SMARCAD1: variants seen among roughly 807,000 people sequenced by gnomAD.
SMARCAD1 encodes SWI/SNF-related matrix-associated actin-dependent regulator of chromatin subfamily A containing DEAD/H box 1.
A neutral mutation model predicts 127.1 loss-of-function variants in SMARCAD1; 25 were observed. That is an observed-to-expected ratio of 0.20 (90% confidence interval 0.14 to 0.27). The LOEUF (loss-of-function observed/expected upper bound fraction) is 0.27. SMARCAD1 is among the 10% of genes least tolerant of loss of function. SMARCAD1 has a pLI of 1.00. For synonymous variants in SMARCAD1, 400 were observed against 396.9 expected (o/e 1.01, Z -0.09); for missense variants, 807 against 1,206.0 (o/e 0.67, Z 4.90).
At chr4:94,231,958 G>A (rs570016993) in intron 3 of SMARCAD1, among the ~76,000 whole-genome samples, 1 of 152,038 alleles carries the variant, frequency 6.6e-6, no homozygotes, top group East Asian at 1.9e-4. Flanking sequence ...GCTTCCTGGG[G>A]TCAGATGATT....
intron 6 of SMARCAD1, among the ~76,000 whole-genome samples, chr4:94,242,294 C>T (rs1197215007): frequency 6.6e-6 from 1 of 151,998 alleles, no homozygotes; most frequent in Non-Finnish European, 1.5e-5. Context: ...ATCCACCCAC[C>T]TCGGCTTCCC....
At chr4:94,274,094 G>A in intron 12 of SMARCAD1, among the ~76,000 whole-genome samples, 1 of 152,098 alleles carries the variant, frequency 6.6e-6, no homozygotes, top group African/African-American at 2.4e-5. Context: ...CAATTCGTTG[G>A]ATGTAGAAGT....
chr4:94,215,750 G>A (rs918236668), intron 2 of SMARCAD1, among the ~76,000 whole-genome samples: 9 of 152,066 alleles, frequency 5.9e-5, no homozygotes, highest in African/African-American at 2.2e-4. Context: ...TTTCATACCT[G>A]TCTAAAATAT....
In SMARCAD1 at chr4:94,249,766, G is replaced by C. The variant is rs551757236; in HGVS notation, c.807+11G>C. The C allele has an allele frequency of 6.8e-7, 1 of 1,466,926 alleles. No individual in the cohort carries two copies. Among genetic ancestry groups the C allele is most frequent in the Non-Finnish European group, 9.6e-7 (1 of 1,046,698 alleles). 90.9% of individuals were successfully genotyped at this position (1,466,926 alleles called of 1,614,324 possible). A position where few individuals can be genotyped will look rare whatever the true frequency, so the allele number is the denominator to read the frequency against. On this transcript the variant is annotated intron_variant, in intron 7 of 23. Coordinates refer to ENST00000354268, the MANE Select transcript of SMARCAD1 (RefSeq NM_020159.5). ...AATTTTGATAAACAGGTGAGTAGTC[G>C]TGTATGAAAATTTAATCAGTGTGTA...
intron 6 of SMARCAD1, among the ~76,000 whole-genome samples, chr4:94,242,049 T>G (rs1255147426): frequency 6.6e-6 from 1 of 152,010 alleles, no homozygotes; most frequent in East Asian, 1.9e-4. Flanking sequence ...TTTGTTTTGC[T>G]TTTTGAGACA....
In SMARCAD1 at chr4:94,273,653, G is replaced by A; in HGVS notation, c.1609G>A (p.Ala537Thr). 1 of 1,613,726 alleles carries A rather than the reference G, an allele frequency of 6.2e-7. No homozygotes were observed. The highest frequency in any genetic ancestry group is 8.5e-7 in the Non-Finnish European group (1 of 1,179,840). ...AACTATTCAAGCCATTGCATTTCTGGCATACCTCTATCAGGAGGGTAATAA... is the reference window on the plus strand; with the variant it reads ...AACTATTCAAGCCATTGCATTTCTGACATACCTCTATCAGGAGGGTAATAA... ...GKTIQAIAFL[A>T]YLYQEGNNGP... Residue 537 changes from alanine to threonine, a missense_variant, in exon 12 of 24, where the codon GCA becomes ACA. Coordinates refer to ENST00000354268, the MANE Select transcript of SMARCAD1 (RefSeq NM_020159.5).
intron 2 of SMARCAD1, among the ~76,000 whole-genome samples, chr4:94,220,260 T>G (rs282448): frequency 0.38 from 57,558 of 151,820 alleles, 11,869 homozygotes; most frequent in East Asian, 0.71. Context: ...TTATTATTAT[T>G]TTTTTGAGAT....
chr4:94,268,025 T>C (rs911132323), intron 10 of SMARCAD1, among the ~76,000 whole-genome samples: 1 of 152,172 alleles, frequency 6.6e-6, no homozygotes, highest in African/African-American at 2.4e-5. Context: ...TTTTACATGC[T>C]GAGAAAGGAT....
intron 5 of SMARCAD1, among the ~76,000 whole-genome samples, chr4:94,237,285 C>T (rs1746810915): frequency 6.6e-6 from 1 of 151,928 alleles, no homozygotes; most frequent in Non-Finnish European, 1.5e-5. Flanking sequence ...TTTCTAGTTG[C>T]ATTGTGGTTT....
At chr4:94,275,401 ATAAT>A (rs750930113) in intron 14 of SMARCAD1, among the ~76,000 whole-genome samples, 19 of 152,208 alleles carry the variant, frequency 1.2e-4, no homozygotes, top group Non-Finnish European at 2.1e-4. Context: ...CTACTTGGTA[ATAAT>A]TGATGTAAAT....
chr4:94,247,391 C>CA (rs1200893050), intron 6 of SMARCAD1, among the ~76,000 whole-genome samples: 5 of 152,102 alleles, frequency 3.3e-5, no homozygotes, highest in African/African-American at 1.2e-4. Context: ...TATATTCAGT[C>CA]ACCAGGGATA....
intron 8 of SMARCAD1, among the ~76,000 whole-genome samples, chr4:94,251,804 G>A (rs1378494660): frequency 6.6e-6 from 1 of 152,092 alleles, no homozygotes; most frequent in African/African-American, 2.4e-5. Context: ...GATAATCAGT[G>A]ATAAAGTAGT....
intron 6 of SMARCAD1, among the ~76,000 whole-genome samples, chr4:94,241,287 A>T (rs765028545): frequency 3.9e-5 from 6 of 152,164 alleles, no homozygotes; most frequent in African/African-American, 4.8e-5. Flanking sequence ...AAGCCAGATA[A>T]TTTGTGCTTG....
Position 94,276,334 on chromosome 4 carries a change from G to A in SMARCAD1, c.1809-5G>A, listed in dbSNP as rs201056294. 445 of 1,613,838 alleles carry A rather than the reference G, an allele frequency of 2.8e-4. No individual in the cohort carries two copies. Among genetic ancestry groups the A allele is most frequent in the Non-Finnish European group, 3.7e-4 (434 of 1,179,940 alleles). On this transcript the variant is annotated splice_region_variant and splice_polypyrimidine_tract_variant and intron_variant, in intron 14 of 23. Transcript: ENST00000354268. ...CCTTAGAGATGTTTTTTCTTTTGGT[G>A]ACAGATATAACTGTGCGATCAGCAG...
At chr4:94,275,943 G>T (rs555209721) in intron 14 of SMARCAD1, among the ~76,000 whole-genome samples, 3 of 151,378 alleles carry the variant, frequency 2.0e-5, no homozygotes, top group African/African-American at 7.3e-5. Flanking sequence ...GACTACAGGC[G>T]CCCACCACCA....
intron 9 of SMARCAD1, chr4:94,253,659 G>T: frequency 9.8e-7 from 1 of 1,023,982 alleles, no homozygotes; most frequent in South Asian, 3.7e-5. Context: ...GTGAAGGGAA[G>T]GCATAAGCAC....
At chr4:94,241,314 G>T (rs960270762) in intron 6 of SMARCAD1, among the ~76,000 whole-genome samples, 1 of 152,116 alleles carries the variant, frequency 6.6e-6, no homozygotes, top group Admixed American at 6.5e-5. Flanking sequence ...ATTTGTGACT[G>T]TTTTTGCTTT....
At chr4:94,238,070 C>T (rs745962271) in intron 5 of SMARCAD1, among the ~76,000 whole-genome samples, 6 of 152,080 alleles carry the variant, frequency 3.9e-5, no homozygotes, top group South Asian at 2.1e-4. Context: ...AAATACAAAA[C>T]GATGTGTTCC....
At position 94,290,250 on chromosome 4, in the gene SMARCAD1, T is replaced by A. The variant is rs28491758; in HGVS notation, c.*716T>A. 2.2e-6 allele frequency: 1 copy of A among 454,556 alleles called. No individual in the cohort carries two copies. The allele number at this position is 454,556 out of a possible 1,614,324, so 28.2% of individuals were successfully genotyped here. A position where few individuals can be genotyped will look rare whatever the true frequency, so the allele number is the denominator to read the frequency against. ...CTGTTCATTTTCCAACTGCACTAAT[T>A]GTGCATATTACTCTGCCTAATCTTG... On this transcript the variant is annotated 3_prime_UTR_variant, in exon 24 of 24. Coordinates refer to ENST00000354268, the MANE Select transcript of SMARCAD1 (RefSeq NM_020159.5).
Sources: gnomAD v4.1 joint callset for allele counts (sites outside exome capture counted in the v4.1 genomes callset) on GRCh38, gnomAD v4.1.1 for gene constraint, MANE v1.5 for transcripts, NCBI Gene and HGNC (gene_info 2026-07-23, HGNC 2026-07-21) for gene names.